PTPRE: variants seen among roughly 807,000 people sequenced by gnomAD.
PTPRE encodes protein tyrosine phosphatase receptor type E.
PTPRE carries 51 observed loss-of-function variants against 102.0 expected under a neutral mutation model. That is an observed-to-expected ratio of 0.50 (90% CI 0.40 to 0.63). The LOEUF (loss-of-function observed/expected upper bound fraction) is 0.63. Ranked by LOEUF, PTPRE falls within the 30% of genes least tolerant of loss-of-function variation. PTPRE has a pLI of 0.00. For missense variants in PTPRE, 752 were observed against 915.1 expected (o/e 0.82, Z 2.30); for synonymous variants, 345 against 348.2 (o/e 0.99, Z 0.10).
At chr10:127,959,290 A>G (rs1391816382) in intron 1 of PTPRE, among the ~76,000 whole-genome samples, 1 of 152,190 alleles carries the variant, frequency 6.6e-6, no homozygotes, top group Non-Finnish European at 1.5e-5. Flanking sequence ...GAGTTTCCTA[A>G]AAGCTTACCC....
chr10:128,080,901 C>T (rs115689154), intron 20 of PTPRE, among the ~76,000 whole-genome samples: 5 of 152,188 alleles, frequency 3.3e-5, no homozygotes, highest in Middle Eastern at 3.2e-3. Context: ...AGGCGTTGGG[C>T]GCAGTGCAAC....
chr10:128,017,837 T>C (rs531760699), intron 2 of PTPRE, among the ~76,000 whole-genome samples: 6 of 151,938 alleles, frequency 3.9e-5, no homozygotes, highest in African/African-American at 1.4e-4. Context: ...GTACAGGAGG[T>C]GGGTAGGCCT....
At chr10:128,066,907 CAT>C (rs1850148610) in intron 11 of PTPRE, among the ~76,000 whole-genome samples, 4 of 151,876 alleles carry the variant, frequency 2.6e-5, no homozygotes, top group African/African-American at 4.8e-5. Flanking sequence ...CACGCACACA[CAT>C]ACTCCCACAC....
chr10:128,021,524 C>T (rs1845888023), intron 2 of PTPRE, among the ~76,000 whole-genome samples: 2 of 152,376 alleles, frequency 1.3e-5, no homozygotes, highest in Non-Finnish European at 2.9e-5. Flanking sequence ...CTCCCCAGAA[C>T]ATGAGCTCTC....
At chr10:127,945,630 G>T (rs1197732668) in intron 1 of PTPRE, among the ~76,000 whole-genome samples, 1 of 152,144 alleles carries the variant, frequency 6.6e-6, no homozygotes, top group Non-Finnish European at 1.5e-5. Context: ...TGTCCCCAGG[G>T]TATTCAGAGA....
At chr10:127,914,640 G>C (rs1173968310) in intron 1 of PTPRE, among the ~76,000 whole-genome samples, 1 of 152,182 alleles carries the variant, frequency 6.6e-6, no homozygotes, top group South Asian at 2.1e-4. Flanking sequence ...TCAACTAACA[G>C]GTTGGTTTTC....
intron 2 of PTPRE, among the ~76,000 whole-genome samples, chr10:128,030,242 G>A (rs1168886554): frequency 1.3e-5 from 2 of 152,234 alleles, no homozygotes; most frequent in African/African-American, 2.4e-5. Flanking sequence ...ACGGGGCCAC[G>A]CCGTTACAAT....
intron 10 of PTPRE, among the ~76,000 whole-genome samples, chr10:128,064,158 G>A (rs979568928): frequency 6.6e-6 from 1 of 152,192 alleles, no homozygotes; most frequent in African/African-American, 2.4e-5. Flanking sequence ...GGGGAGCTCA[G>A]CTGGGGCAGA....
intron 2 of PTPRE, among the ~76,000 whole-genome samples, chr10:128,014,899 T>C (rs1845297996): frequency 6.6e-6 from 1 of 151,930 alleles, no homozygotes; most frequent in Admixed American, 6.6e-5. Context: ...TGGCTGGGAA[T>C]GGGATGGGGT....
chr10:128,048,943 G>A (rs974167686), intron 5 of PTPRE, among the ~76,000 whole-genome samples: 4 of 152,138 alleles, frequency 2.6e-5, no homozygotes, highest in South Asian at 2.1e-4. Context: ...CTCTCACTCC[G>A]AACTTGGGGA....
At position 128,070,198 on chromosome 10, in the gene PTPRE, A is replaced by C; in HGVS notation, c.1144-103A>C. The C allele has an allele frequency of 7.2e-7, 1 of 1,379,922 alleles. No individual in the cohort carries two copies. Among genetic ancestry groups the C allele is most frequent in the Non-Finnish European group, 9.8e-7 (1 of 1,016,620 alleles). The allele number at this position is 1,379,922 out of a possible 1,614,324, so 85.5% of individuals were successfully genotyped here. ...CCTCACACCTCCTTGTGTTGGCAAA[A>C]AGAGAAAAAGAAGAAAGCCGCCCTC... is the stretch of plus-strand genomic sequence containing the variant. On this transcript the variant is annotated intron_variant, in intron 13 of 20. Coordinates refer to ENST00000254667, the MANE Select transcript of PTPRE (RefSeq NM_006504.6). The surrounding 1 kb of genome is among the most constrained non-coding windows in gnomAD (Gnocchi z 4.8).
At chr10:128,075,105 A>G (rs769681263) in intron 17 of PTPRE, among the ~76,000 whole-genome samples, 11 of 152,182 alleles carry the variant, frequency 7.2e-5, no homozygotes, top group Admixed American at 2.6e-4. Flanking sequence ...CTTCCACTCA[A>G]AATTGTGCTT....
intron 2 of PTPRE, among the ~76,000 whole-genome samples, chr10:128,039,711 C>T (rs1297595483): frequency 6.6e-6 from 1 of 150,732 alleles, no homozygotes; most frequent in East Asian, 2.0e-4. Flanking sequence ...GGTCCATTTG[C>T]ATCCCTGAGG....
At chr10:128,058,674 G>A (rs547062476) in intron 7 of PTPRE, among the ~76,000 whole-genome samples, 3 of 152,170 alleles carry the variant, frequency 2.0e-5, no homozygotes, top group Non-Finnish European at 4.4e-5. Flanking sequence ...CCCCCAGGGT[G>A]ACAGCCCATA....
intron 1 of PTPRE, among the ~76,000 whole-genome samples, chr10:127,913,628 T>G (rs1335658131): frequency 2.6e-5 from 4 of 152,330 alleles, no homozygotes; most frequent in Admixed American, 2.0e-4. Context: ...GTCCACAGGC[T>G]TGGCCCTGAC....
At chr10:128,046,105 G>A (rs986420171) in intron 3 of PTPRE, among the ~76,000 whole-genome samples, 1 of 152,234 alleles carries the variant, frequency 6.6e-6, no homozygotes, top group Non-Finnish European at 1.5e-5. Context: ...TATGAGAAAC[G>A]ATGGTGCGGA....
At chr10:128,025,180 AAG>A (rs1318859373) in intron 2 of PTPRE, among the ~76,000 whole-genome samples, 7 of 151,520 alleles carry the variant, frequency 4.6e-5, no homozygotes, top group African/African-American at 1.7e-4. Context: ...AAAAAAAAAA[AAG>A]AACAGAAAAA....
chr10:127,923,879 A>G (rs1846808904), intron 1 of PTPRE, among the ~76,000 whole-genome samples: 1 of 152,136 alleles, frequency 6.6e-6, no homozygotes, highest in South Asian at 2.1e-4. Context: ...GAGGGATCAG[A>G]ACAGATCCAG....
chr10:127,944,466 A>AGATG lies in PTPRE; in HGVS notation c.-31+37159_-31+37160insTGGA, dbSNP rs759956819. Among the ~76,000 whole-genome samples, 31 of 74,034 alleles carry AGATG rather than the reference A, an allele frequency of 4.2e-4. No individual in the cohort carries two copies. Among genetic ancestry groups the AGATG allele is most frequent in the African/African-American group, 1.2e-3 (29 of 23,730 alleles). 48.6% of individuals were successfully genotyped at this position (74,034 alleles called of 152,430 possible). ...TGGACAGATGGATGGATACATGGAC[A>AGATG]GACGGATGGATGGATGGATGGATGG... On this transcript the variant is annotated intron_variant, in intron 1 of 20. Transcript: ENST00000254667. The surrounding 1 kb of genome is among the most constrained non-coding windows in gnomAD (Gnocchi z 4.2).
Sources: allele counts gnomAD v4.1 joint callset (sites outside exome capture counted in the v4.1 genomes callset), GRCh38; gene constraint gnomAD v4.1.1; non-coding constraint Gnocchi (gnomAD v3.1); transcripts MANE v1.5; gene names NCBI Gene and HGNC (gene_info 2026-07-23, HGNC 2026-07-21).